Variants in GXYLT2 observed in about 807,000 individuals in gnomAD.
The protein encoded by GXYLT2 is glycosyltransferase 8 domain containing 4.
A neutral mutation model predicts 45.8 loss-of-function variants in GXYLT2; 53 were observed. The observed-to-expected ratio is 1.16, with a 90% CI of 0.93 to 1.46. The LOEUF (loss-of-function observed/expected upper bound fraction) is 1.46, where lower values mean the gene tolerates loss of function less well. Among genes scored for constraint, GXYLT2 ranks in the 40% most tolerant of loss-of-function variants. GXYLT2 has a pLI of 0.00. For synonymous variants in GXYLT2, 219 were observed against 214.2 expected, an observed-to-expected ratio of 1.02 and a Z score of -0.19; for missense variants, 551 against 544.4, an observed-to-expected ratio of 1.01 and a Z score of -0.12.
At chr3:72,951,211 T>C (rs572409368) in intron 3 of GXYLT2, among the ~76,000 whole-genome samples, 1 of 152,222 alleles carries the variant, frequency 6.6e-6, no homozygotes, top group Admixed American at 6.5e-5. Flanking sequence ...TGGTCTTTTG[T>C]TTTTTCAGAT....
At chr3:72,896,477 GA>G (rs1709293444) in intron 1 of GXYLT2, among the ~76,000 whole-genome samples, 1 of 152,126 alleles carries the variant, frequency 6.6e-6, no homozygotes, top group Non-Finnish European at 1.5e-5. Flanking sequence ...GGGTAGGTAT[GA>G]CTTGAGGAAA....
chr3:72,970,152 A>G (rs1458018173), intron 6 of GXYLT2, among the ~76,000 whole-genome samples: 3 of 152,062 alleles, frequency 2.0e-5, no homozygotes. Context: ...GGAATTCAAG[A>G]CCAGCCTGGC....
intron 3 of GXYLT2, among the ~76,000 whole-genome samples, chr3:72,944,060 TA>T (rs1710353683): frequency 6.6e-6 from 1 of 151,850 alleles, no homozygotes; most frequent in Non-Finnish European, 1.5e-5. Context: ...TATAGATTAA[TA>T]GTTGATATTT....
intron 3 of GXYLT2, among the ~76,000 whole-genome samples, chr3:72,927,698 C>G (rs532428173): frequency 9.2e-5 from 14 of 152,222 alleles, no homozygotes; most frequent in Non-Finnish European, 5.9e-5. Flanking sequence ...CAATTAGAAT[C>G]ACCATAAATG....
intron 2 of GXYLT2, among the ~76,000 whole-genome samples, chr3:72,918,924 CAATG>C (rs1709784475): frequency 6.6e-6 from 1 of 152,162 alleles, no homozygotes; most frequent in Non-Finnish European, 1.5e-5. Context: ...CTTAAGATAA[CAATG>C]AAACACCACT....
intron 2 of GXYLT2, among the ~76,000 whole-genome samples, chr3:72,911,732 T>G (rs957258484): frequency 7.9e-5 from 12 of 152,116 alleles, no homozygotes; most frequent in African/African-American, 2.4e-4. Context: ...TTCTCAACCC[T>G]AAGAAACTAT....
chr3:72,943,028 T>C lies in GXYLT2; in HGVS notation c.601-12070T>C, dbSNP rs115766871. Among the ~76,000 whole-genome samples the C allele has an allele frequency of 4.7e-3, 721 of 152,300 alleles. 7 individuals carry two copies. Among genetic ancestry groups the C allele is most frequent in the African/African-American group, 0.016 (664 of 41,578 alleles). The stretch of plus-strand genomic sequence containing the variant: ...AACTCTCTGAACTTTTTACACCTCT[T>C]CTGTAAATTTAAAATGATCTCACAA... On this transcript the variant is annotated intron_variant, in intron 3 of 6. Coordinates refer to ENST00000389617, the MANE Select transcript of GXYLT2 (RefSeq NM_001080393.2).
intron 3 of GXYLT2, among the ~76,000 whole-genome samples, chr3:72,954,693 CAGGTT>C (rs1220067787): frequency 1.3e-5 from 2 of 150,296 alleles, no homozygotes; most frequent in Admixed American, 1.3e-4. Flanking sequence ...TTGTCCACTT[CAGGTT>C]TTCTAATGCC....
At chr3:72,964,764 A>G (rs1175475330) in intron 5 of GXYLT2, among the ~76,000 whole-genome samples, 1 of 152,244 alleles carries the variant, frequency 6.6e-6, no homozygotes, top group Non-Finnish European at 1.5e-5. Flanking sequence ...ACAAATAGTC[A>G]TTGATTCAAT....
intron 3 of GXYLT2, among the ~76,000 whole-genome samples, chr3:72,932,288 C>A (rs141594356): frequency 0.023 from 3,565 of 152,172 alleles, 138 homozygotes; most frequent in African/African-American, 0.081. Flanking sequence ...AAACTCCTAA[C>A]CTCAGTTGAT....
At chr3:72,942,612 G>A (rs776786368) in intron 3 of GXYLT2, among the ~76,000 whole-genome samples, 3 of 152,182 alleles carry the variant, frequency 2.0e-5, no homozygotes, top group Non-Finnish European at 2.9e-5. Flanking sequence ...GGTCAACATC[G>A]TATATGCCCA....
At position 72,967,675 on chromosome 3, in the gene GXYLT2, G is replaced by A. The variant is rs75794282; in HGVS notation, c.1105G>A (p.Asp369Asn). 32 of 1,613,892 alleles carry A rather than the reference G, an allele frequency of 2.0e-5. No homozygotes were observed. In the East Asian group the frequency reaches 4.7e-4, roughly 24 times the overall value. The change falls in exon 6 of 7, where the codon GAT becomes AAT. Residue 369 changes from aspartate (D) to asparagine (N), a missense_variant. Asp to Asn is a conservative substitution (Grantham distance 23, BLOSUM62 1). Coordinates refer to ENST00000389617, the MANE Select transcript of GXYLT2 (RefSeq NM_001080393.2). The part of the protein sequence containing the change: ...LHGNRGVYHD[D>N]KQPTFRALYE... The stretch of plus-strand genomic sequence containing the variant: ...TGGAAACCGAGGCGTCTACCATGAC[G>A]ATAAGCAACCAACGTTCAGAGCACT...
At chr3:72,949,392 T>C (rs535226696) in intron 3 of GXYLT2, among the ~76,000 whole-genome samples, 1 of 152,230 alleles carries the variant, frequency 6.6e-6, no homozygotes, top group Non-Finnish European at 1.5e-5. Flanking sequence ...AGGGCTCTGC[T>C]TTGTGCTTCT....
In GXYLT2 at chr3:72,915,338, C is replaced by CTTTT. The variant is rs34611815; in HGVS notation, c.468+6792_468+6795dup. On this transcript the variant is annotated intron_variant, in intron 2 of 6. Coordinates refer to ENST00000389617, the MANE Select transcript of GXYLT2 (RefSeq NM_001080393.2). The stretch of plus-strand genomic sequence containing the variant: ...ACCATGCCTCTTCGTTACCCATTTC[C>CTTTT]TTTTTTTTTTTTTTTTGCGGGGGGG... Among the ~76,000 whole-genome samples, 5 of 48,752 alleles carry CTTTT rather than the reference C, an allele frequency of 1.0e-4. 1 individual carries two copies. The highest frequency in any genetic ancestry group is 3.6e-4 in the African/African-American group (4 of 10,998). The allele number at this position is 48,752 out of a possible 152,430, so 32.0% of individuals were successfully genotyped here. A position where few individuals can be genotyped will look rare whatever the true frequency, so the allele number is the denominator to read the frequency against.
At chr3:72,961,883 A>T (rs192464529) in intron 5 of GXYLT2, among the ~76,000 whole-genome samples, 1 of 152,246 alleles carries the variant, frequency 6.6e-6, no homozygotes, top group East Asian at 1.9e-4. Flanking sequence ...AGTATAAGTG[A>T]TAAGGCAGGG....
At chr3:72,966,458 C>CTG (rs781623744) in intron 5 of GXYLT2, among the ~76,000 whole-genome samples, 1 of 101,640 alleles carries the variant, frequency 9.8e-6, no homozygotes, top group Non-Finnish European at 1.8e-5. Flanking sequence ...TTGTGTGTAT[C>CTG]TTTTTTTTTT....
intron 1 of GXYLT2, among the ~76,000 whole-genome samples, chr3:72,906,418 C>T (rs1709511388): frequency 6.6e-6 from 1 of 152,120 alleles, no homozygotes; most frequent in Non-Finnish European, 1.5e-5. Flanking sequence ...AATATACTGC[C>T]CCAGCCCGCC....
chr3:72,935,301 C>CT (rs140232343), intron 3 of GXYLT2, among the ~76,000 whole-genome samples: 2,824 of 152,164 alleles, frequency 0.019, 106 homozygotes, highest in African/African-American at 0.064. Flanking sequence ...AAATTGAACT[C>CT]TTTCTGAAAG....
intron 5 of GXYLT2, among the ~76,000 whole-genome samples, chr3:72,958,290 AT>A (rs1710689574): frequency 6.8e-6 from 1 of 146,702 alleles, no homozygotes; most frequent in South Asian, 2.2e-4. Flanking sequence ...AAAAAAAAAA[AT>A]TAAAACTATG....
Sources: allele counts gnomAD v4.1 joint callset (sites outside exome capture counted in the v4.1 genomes callset), GRCh38; gene constraint gnomAD v4.1.1; transcripts MANE v1.5; gene names NCBI Gene and HGNC (gene_info 2026-07-23, HGNC 2026-07-21).